KIDINS220: variants seen among roughly 807,000 people sequenced by gnomAD.
KIDINS220 encodes the protein kinase D-interacting substrate of 220 kDa.
In KIDINS220, 63 loss-of-function variants were observed where a neutral mutation model predicts 157.6. That is an observed-to-expected ratio of 0.40 (90% confidence interval 0.33 to 0.49). The LOEUF is 0.49. Ranked by LOEUF, KIDINS220 falls within the 20% of genes least tolerant of loss-of-function variation. KIDINS220 has a pLI of 0.66. For missense variants in KIDINS220, 1,772 were observed against 2,171.2 expected (o/e 0.82, Z 3.65); for synonymous variants, 732 against 783.6 (o/e 0.93, Z 1.10).
At chr2:8,801,729 G>C (rs980066959) in intron 8 of KIDINS220, among the ~76,000 whole-genome samples, 3 of 152,100 alleles carry the variant, frequency 2.0e-5, no homozygotes, top group Non-Finnish European at 2.9e-5. Flanking sequence ...AACATAGTGA[G>C]ACCCTGTCTC....
At chr2:8,743,137 G>T (rs902903963) in intron 26 of KIDINS220, among the ~76,000 whole-genome samples, 2 of 152,094 alleles carry the variant, frequency 1.3e-5, no homozygotes, top group African/African-American at 2.4e-5. Flanking sequence ...GAAGGTAAAG[G>T]CACCAGTGAA....
chr2:8,738,801 T>C (rs1309695952), intron 26 of KIDINS220, among the ~76,000 whole-genome samples: 1 of 152,240 alleles, frequency 6.6e-6, no homozygotes, highest in African/African-American at 2.4e-5. Context: ...GTGAAATTCA[T>C]ATAAAGTCTG....
chr2:8,730,502 T>C lies in KIDINS220; in HGVS notation c.*218A>G, dbSNP rs1439394067. ...AAGGTACAGTAGTATTAGTGAGTTC[T>C]GAAGCTTCTAATTACAAAGACCACA... On this transcript the variant is annotated 3_prime_UTR_variant, in exon 30 of 30. Transcript: ENST00000256707. 3 of 1,415,734 alleles carry C rather than the reference T, an allele frequency of 2.1e-6. No individual in the cohort carries two copies. Among genetic ancestry groups the C allele is most frequent in the African/African-American group, 1.4e-5 (1 of 69,428 alleles). 87.7% of individuals were successfully genotyped at this position (1,415,734 alleles called of 1,614,324 possible). A position where few individuals can be genotyped will look rare whatever the true frequency, so the allele number is the denominator to read the frequency against.
At position 8,767,836 on chromosome 2, in the gene KIDINS220, T is replaced by C. The variant is rs1374899751; in HGVS notation, c.3011+2834A>G. Among the ~76,000 whole-genome samples the C allele has an allele frequency of 2.6e-5, 4 of 152,318 alleles. No individual in the cohort carries two copies. The East Asian group carries it at 5.8e-4, about 22-fold the overall frequency. On this transcript the variant is annotated intron_variant, in intron 22 of 29. Coordinates refer to ENST00000256707, the MANE Select transcript of KIDINS220 (RefSeq NM_020738.4). The stretch of plus-strand genomic sequence containing the variant: ...GAATAATTTAAAAATAACAGGTCTA[T>C]TAAAGTCATAAATTAGATGTCCATA...
At chr2:8,779,578 A>T in intron 18 of KIDINS220, 96 bp downstream of exon 18, 1 of 1,355,572 alleles carries the variant, frequency 7.4e-7, no homozygotes, top group Non-Finnish European at 9.9e-7. Context: ...TCAAACAAAA[A>T]CCAATTCCGT....
intron 22 of KIDINS220, among the ~76,000 whole-genome samples, chr2:8,764,894 T>C (rs948155382): frequency 2.0e-5 from 3 of 152,180 alleles, no homozygotes; most frequent in African/African-American, 7.2e-5. Context: ...ATGAAGTGTA[T>C]AGTCTCATTC....
In KIDINS220 at chr2:8,729,585, G is replaced by GAT. The variant is rs145525895; in HGVS notation, c.*1133_*1134dup. On this transcript the variant is annotated 3_prime_UTR_variant, in exon 30 of 30. Coordinates refer to ENST00000256707, the MANE Select transcript of KIDINS220 (RefSeq NM_020738.4). ...CTTTTACAGTCACAGCACTTATATAGATATATATATATATTTTACCCTTGC... is the reference window on the plus strand; with the variant it reads ...CTTTTACAGTCACAGCACTTATATAGATATATATATATATATTTTACCCTTGC... 409 of 954,306 alleles carry GAT rather than the reference G, an allele frequency of 4.3e-4. No individual in the cohort carries two copies. The highest frequency in any genetic ancestry group is 1.3e-3 in the Admixed American group (21 of 16,146). The allele number at this position is 954,306 out of a possible 1,614,324, so 59.1% of individuals were successfully genotyped here.
intron 24 of KIDINS220, among the ~76,000 whole-genome samples, chr2:8,748,563 C>A (rs1423434143): frequency 6.6e-6 from 1 of 152,076 alleles, no homozygotes; most frequent in Admixed American, 6.5e-5. Flanking sequence ...GTGGGGAATC[C>A]ACTGTTTATG....
At chr2:8,759,369 C>T (rs978724262) in intron 22 of KIDINS220, among the ~76,000 whole-genome samples, 1 of 151,804 alleles carries the variant, frequency 6.6e-6, no homozygotes, top group African/African-American at 2.4e-5. Context: ...GTTTACTCGA[C>T]ATTAAACAAA....
At chr2:8,780,587 C>T (rs1423078263) in intron 17 of KIDINS220, among the ~76,000 whole-genome samples, 1 of 150,558 alleles carries the variant, frequency 6.6e-6, no homozygotes, top group Non-Finnish European at 1.5e-5. Context: ...ATTATGTATG[C>T]TTATAAATGT....
intron 17 of KIDINS220, 39 bp from the exon 18 acceptor site, chr2:8,779,853 G>T: frequency 6.2e-7 from 1 of 1,601,940 alleles, no homozygotes; most frequent in Non-Finnish European, 8.5e-7. Context: ...ACTGAAGGAA[G>T]ATCCAAGAAG....
rs757246262 is a variant in KIDINS220, at chr2:8,789,903, A to C, written c.1598T>G (p.Leu533Trp). ...NLGIAVSLSF[L>W]ALLYIFFIVI... ...ACTAAAGAATATATATAAGAGAGCC[A>C]AGAAGCTCAGTGACACTGCTATTCC... The change falls in exon 14 of 30, where the codon TTG (leucine) becomes TGG (tryptophan). Residue 533 changes from leucine to tryptophan, a missense_variant. This residue lies in a region of KIDINS220 where 725 missense variants were observed against 1,017.1 expected (regional missense o/e 0.71). Transcript: ENST00000256707. 1.9e-6 allele frequency: 3 copies of C among 1,610,724 alleles called. No individual in the cohort carries two copies. The highest frequency in any genetic ancestry group is 2.5e-6 in the Non-Finnish European group (3 of 1,179,062).
rs34620607 is a variant in KIDINS220, at chr2:8,780,520, C to CTG, written c.2230-708_2230-707dup. On this transcript the variant is annotated intron_variant, in intron 17 of 29. Coordinates refer to ENST00000256707, the MANE Select transcript of KIDINS220 (RefSeq NM_020738.4). ...TAAGCTTATATATGTGTGTGTGTGT[C>CTG]TGTGTGTGTGTGTGTGTGTGTGGTG... Among the ~76,000 whole-genome samples the CTG allele has an allele frequency of 7.7e-3, 1,148 of 149,044 alleles. 39 individuals carry two copies. The highest frequency in any genetic ancestry group is 0.062 in the Admixed American group (932 of 15,000).
At position 8,772,283 on chromosome 2, in the gene KIDINS220, C is replaced by G. The variant is rs557041292; in HGVS notation, c.2849-1451G>C. On this transcript the variant is annotated intron_variant, in intron 21 of 29. Coordinates refer to ENST00000256707, the MANE Select transcript of KIDINS220 (RefSeq NM_020738.4). ...TTGAGGTCAGGAGTTCAAGACCAGC[C>G]TGGCCAACATGGTGAAACCCCGCCT... Among the ~76,000 whole-genome samples the G allele has an allele frequency of 2.0e-5, 3 of 152,132 alleles. No individual in the cohort carries two copies. In the South Asian group the frequency reaches 6.2e-4, roughly 32 times the overall value.
chr2:8,787,429 C>T (rs184117955), intron 15 of KIDINS220, among the ~76,000 whole-genome samples: 19 of 150,718 alleles, frequency 1.3e-4, no homozygotes, highest in Non-Finnish European at 2.1e-4. Context: ...AGTGCGGTGG[C>T]GTGATCTTGG....
intron 7 of KIDINS220, among the ~76,000 whole-genome samples, chr2:8,803,835 T>A (rs1483710016): frequency 1.3e-5 from 2 of 152,122 alleles, no homozygotes; most frequent in Non-Finnish European, 2.9e-5. Flanking sequence ...CATATGAGAC[T>A]CTGTCTCTAA....
intron 15 of KIDINS220, among the ~76,000 whole-genome samples, chr2:8,786,642 A>T (rs1672438753): frequency 6.6e-6 from 1 of 152,220 alleles, no homozygotes; most frequent in Admixed American, 6.5e-5. Flanking sequence ...CAGAACTTAG[A>T]TGTGGAGTAT....
rs535166057 is a variant in KIDINS220 at position 8,786,088 on chromosome 2, C to T, written c.1940-58G>A. The stretch of plus-strand genomic sequence containing the variant: ...ATATCAAGGATCTAGAAAATCCTAA[C>T]ATTATAGTCACAATACCTGATGAGT... On this transcript the variant is annotated intron_variant, in intron 16 of 29. Transcript: ENST00000256707. 2.1e-3 allele frequency: 3,316 copies of T among 1,561,018 alleles called. 2 individuals carry two copies. The highest frequency in any genetic ancestry group is 2.6e-3 in the Non-Finnish European group (2,955 of 1,151,122).
chr2:8,790,093 G>A (rs989964379), intron 13 of KIDINS220, 34 bp from the exon 14 acceptor site: 3 of 1,553,540 alleles, frequency 1.9e-6, no homozygotes, highest in Non-Finnish European at 2.6e-6. Flanking sequence ...CCTTATTCCT[G>A]TTTTGTTTAA....
Sources: gnomAD v4.1 joint callset for allele counts (sites outside exome capture counted in the v4.1 genomes callset) on GRCh38, gnomAD v4.1.1 for gene constraint, gnomAD v4.1.1 regional missense constraint, MANE v1.5 for transcripts, NCBI Gene and HGNC (gene_info 2026-07-23, HGNC 2026-07-21) for gene names.